Variants in NEXN observed in about 807,000 individuals in gnomAD.
NEXN encodes nexilin.
In NEXN, 65 loss-of-function variants were observed where a neutral mutation model predicts 92.6. The observed-to-expected ratio is 0.70, with a 90% CI of 0.57 to 0.86. The LOEUF (loss-of-function observed/expected upper bound fraction) is 0.86. Ranked by LOEUF, NEXN falls within the 40% of genes least tolerant of loss-of-function variation. NEXN has a pLI of 0.00. For synonymous variants in NEXN, 254 were observed against 242.5 expected, an observed-to-expected ratio of 1.05 and a Z score of -0.44; for missense variants, 778 against 771.1, an observed-to-expected ratio of 1.01 and a Z score of -0.11.
chr1:77,940,446 C>T (rs975795698), intron 11 of NEXN, among the ~76,000 whole-genome samples: 41 of 152,130 alleles, frequency 2.7e-4, no homozygotes, highest in Non-Finnish European at 5.0e-4. Flanking sequence ...GAAAAGTTGA[C>T]AATTGTACTT....
chr1:77,933,868 G>T (rs1000637412), intron 10 of NEXN, among the ~76,000 whole-genome samples: 4 of 152,090 alleles, frequency 2.6e-5, no homozygotes, highest in African/African-American at 9.7e-5. Flanking sequence ...TTAATGCTGA[G>T]GTTACTGTCT....
intron 1 of NEXN, among the ~76,000 whole-genome samples, chr1:77,892,867 T>A (rs140475266): frequency 1.5e-3 from 232 of 151,570 alleles, no homozygotes; most frequent in Non-Finnish European, 2.7e-3. Context: ...TTGTAAATAA[T>A]CTTTTTTTTT....
Position 77,916,055 on chromosome 1 carries a change from G to A in NEXN, c.-52G>A. On this transcript the variant is annotated splice_region_variant and 5_prime_UTR_variant, in exon 2 of 13. The change creates a new upstream start codon in the 5' untranslated region. Transcript: ENST00000334785. ...ATTATACAATATAAATTTTTTTCAG[G>A]TGCAAATATATACAGAGCTTCATAA... 2 of 1,315,162 alleles carry A rather than the reference G, an allele frequency of 1.5e-6. No homozygotes were observed. Among genetic ancestry groups the A allele is most frequent in the Non-Finnish European group, 2.0e-6 (2 of 992,308 alleles). 81.5% of individuals were successfully genotyped at this position (1,315,162 alleles called of 1,614,324 possible). A position where few individuals can be genotyped will look rare whatever the true frequency, so the allele number is the denominator to read the frequency against.
rs368457200 is a variant in NEXN, at chr1:77,918,811, G to A, written c.447+538G>A. On this transcript the variant is annotated intron_variant, in intron 5 of 12. Coordinates refer to ENST00000334785, the MANE Select transcript of NEXN (RefSeq NM_144573.4). ...GATTTGTATCATATACAATCTTACC[G>A]CTCTATCCACATTCCTCACCCCGTC... Among the ~76,000 whole-genome samples, 181 of 152,042 alleles carry A rather than the reference G, an allele frequency of 1.2e-3. 2 individuals carry two copies. Among genetic ancestry groups the A allele is most frequent in the African/African-American group, 4.1e-3 (170 of 41,462 alleles).
chr1:77,932,580 A>C (rs1650391225), intron 9 of NEXN, among the ~76,000 whole-genome samples: 1 of 152,212 alleles, frequency 6.6e-6, no homozygotes, highest in African/African-American at 2.4e-5. Context: ...ATCATGATTA[A>C]CTTAAATGCT....
chr1:77,918,244 C>T lies in NEXN; in HGVS notation c.418C>T (p.Gln140Ter). The T allele has an allele frequency of 6.2e-7, 1 of 1,614,022 alleles. No homozygotes were observed. The highest frequency in any genetic ancestry group is 1.7e-5 in the Admixed American group (1 of 60,004). ...EQDMLEKRKI[Q>*]RELAKRAEQI... ...GGATATGTTAGAAAAGAGGAAAATACAGCGTGAATTAGCAAAAAGGGCTGA... is the reference window on the plus strand; with the variant it reads ...GGATATGTTAGAAAAGAGGAAAATATAGCGTGAATTAGCAAAAAGGGCTGA... Residue 140 changes from glutamine (Q) to a stop codon, truncating the protein, a stop_gained, in exon 5 of 13, where the codon CAG (glutamine) becomes TAG (stop). Coordinates refer to ENST00000334785, the MANE Select transcript of NEXN (RefSeq NM_144573.4). LOFTEE classifies it high-confidence loss of function.
intron 1 of NEXN, among the ~76,000 whole-genome samples, chr1:77,890,858 T>C (rs571087269): frequency 1.3e-5 from 2 of 152,296 alleles, no homozygotes; most frequent in African/African-American, 4.8e-5. Flanking sequence ...CTAAACGTTT[T>C]TATAGAAGAG....
intron 1 of NEXN, among the ~76,000 whole-genome samples, chr1:77,901,250 T>G (rs950720537): frequency 3.9e-5 from 6 of 152,140 alleles, no homozygotes; most frequent in Non-Finnish European, 1.5e-5. Context: ...CACCGTAGTT[T>G]GAATGCAGAA....
At chr1:77,897,893 G>A (rs1234449564) in intron 1 of NEXN, among the ~76,000 whole-genome samples, 1 of 151,908 alleles carries the variant, frequency 6.6e-6, no homozygotes, top group Non-Finnish European at 1.5e-5. Context: ...CAAATCATGA[G>A]TGAACTCCCA....
At chr1:77,920,358 G>A (rs1378589874) in intron 5 of NEXN, among the ~76,000 whole-genome samples, 1 of 152,114 alleles carries the variant, frequency 6.6e-6, no homozygotes, top group Non-Finnish European at 1.5e-5. Flanking sequence ...AAATTTATTT[G>A]TATAAATCCA....
At chr1:77,919,051 C>T (rs1649210347) in intron 5 of NEXN, among the ~76,000 whole-genome samples, 1 of 152,210 alleles carries the variant, frequency 6.6e-6, no homozygotes, top group Non-Finnish European at 1.5e-5. Context: ...TTCCACTTGG[C>T]TGAGGAGTCC....
intron 8 of NEXN, among the ~76,000 whole-genome samples, chr1:77,927,681 A>G (rs966972521): frequency 1.3e-5 from 2 of 151,916 alleles, no homozygotes; most frequent in Non-Finnish European, 2.9e-5. Context: ...CTAGATTCAG[A>G]TATCAGCCAT....
In NEXN at chr1:77,935,917, AAAGC is replaced by A. The variant is rs769627761; in HGVS notation, c.1350_1353del (p.Lys451LeufsTer16). 1.9e-6 allele frequency: 3 copies of A among 1,614,088 alleles called. No homozygotes were observed. Among genetic ancestry groups the A allele is most frequent in the Non-Finnish European group, 1.7e-6 (2 of 1,179,980 alleles). On this transcript the variant is annotated frameshift_variant, in exon 11 of 13. Coordinates refer to ENST00000334785, the MANE Select transcript of NEXN (RefSeq NM_144573.4). LOFTEE classifies it high-confidence loss of function. ...GGCTCTATTCAAGCTAAAAACCTAA[AAAGC>A]AAGTTTGAAAAAATTGGACAGTTGT...
chr1:77,915,362 G>T (rs1648886732), intron 1 of NEXN, among the ~76,000 whole-genome samples: 1 of 152,164 alleles, frequency 6.6e-6, no homozygotes, highest in African/African-American at 2.4e-5. Context: ...GGGCATGGTG[G>T]CTCATGCCTG....
In NEXN at chr1:77,928,673, T is replaced by TA. The variant is rs1212937022; in HGVS notation, c.865-632dup. Reference sequence around the variant, plus strand: ...TAGTATAAGGTACCATAGTTCACAGTAAAAAAAAAAATACAAAAATTACAA... The same window carrying TA: ...TAGTATAAGGTACCATAGTTCACAGTAAAAAAAAAAAATACAAAAATTACAA... On this transcript the variant is annotated intron_variant, in intron 8 of 12. Transcript: ENST00000334785. Among the ~76,000 whole-genome samples, 1,055 of 147,388 alleles carry TA rather than the reference T, an allele frequency of 7.2e-3. 13 individuals carry two copies. The highest frequency in any genetic ancestry group is 0.024 in the African/African-American group (952 of 40,406).
In NEXN at chr1:77,931,231, C is replaced by CA. The variant is rs367898061; in HGVS notation, c.1053+1760dup. 2.8e-3 allele frequency among the ~76,000 whole-genome samples: 340 copies of CA among 120,404 alleles called. 3 individuals carry two copies. Among genetic ancestry groups the CA allele is most frequent in the African/African-American group, 7.0e-3 (194 of 27,530 alleles). 79.0% of individuals were successfully genotyped at this position (120,404 alleles called of 152,430 possible). A position where few individuals can be genotyped will look rare whatever the true frequency, so the allele number is the denominator to read the frequency against. ...TGAAACCCCGTCTCTACTAAAAATACAAAAAAAAAAAAAAAAAAAAAAAAA... is the reference window on the plus strand; with the variant it reads ...TGAAACCCCGTCTCTACTAAAAATACAAAAAAAAAAAAAAAAAAAAAAAAAA... On this transcript the variant is annotated intron_variant, in intron 9 of 12. Coordinates refer to ENST00000334785, the MANE Select transcript of NEXN (RefSeq NM_144573.4).
At chr1:77,936,093 A>C (rs774868707) in intron 11 of NEXN, 49 bp downstream of exon 11, 6 of 1,351,288 alleles carry the variant, frequency 4.4e-6, no homozygotes, top group Non-Finnish European at 6.3e-6. Context: ...AATGATAATA[A>C]ATTTAACAGA....
At chr1:77,931,670 T>C (rs547166337) in intron 9 of NEXN, 24 of 152,318 alleles carry the variant, frequency 1.6e-4, no homozygotes, top group Non-Finnish European at 2.4e-4. Flanking sequence ...TTGTAATTTA[T>C]CCAGGAATAA....
chr1:77,903,048 C>CA (rs145091643), intron 1 of NEXN, among the ~76,000 whole-genome samples: 2,512 of 152,182 alleles, frequency 0.017, 21 homozygotes, highest in Non-Finnish European at 0.027. Flanking sequence ...GAAGGCCTGT[C>CA]AAGCCCAGGT....
Sources: gnomAD v4.1 joint callset for allele counts (sites outside exome capture counted in the v4.1 genomes callset) on GRCh38, gnomAD v4.1.1 for gene constraint, MANE v1.5 for transcripts, NCBI Gene and HGNC (gene_info 2026-07-23, HGNC 2026-07-21) for gene names.